The following TET3 variants were observed in gnomAD, a reference collection of about 807,000 sequenced individuals.
TET3 encodes methylcytosine dioxygenase TET3.
TET3 carries 19 observed loss-of-function variants against 141.4 expected under a neutral mutation model. The observed-to-expected ratio is 0.13, with a 90% CI of 0.09 to 0.20. The LOEUF (loss-of-function observed/expected upper bound fraction) is 0.20. Among genes scored for constraint, TET3 ranks in the 10% least tolerant of loss-of-function variants. The probability of loss-of-function intolerance (pLI) is 1.00; values close to 1 mark genes in which losing one functional copy is unlikely to be tolerated. For synonymous variants in TET3, 1,043 were observed against 980.9 expected (o/e 1.06, Z -1.18); for missense variants, 1,874 against 2,356.9 (o/e 0.80, Z 4.24).
At chr2:74,017,978 T>A (rs946169636) in intron 3 of TET3, among the ~76,000 whole-genome samples, 54 of 149,252 alleles carry the variant, frequency 3.6e-4, no homozygotes, top group African/African-American at 1.2e-3. Context: ...TTTTTTTTTT[T>A]TTTTTTGAGA....
At chr2:74,115,129 T>G in the TET3 span, among the ~76,000 whole-genome samples, 1 of 152,120 alleles carries the variant, frequency 6.6e-6, no homozygotes, top group South Asian at 2.1e-4. Flanking sequence ...TAAAAGCTTC[T>G]GCACAGTAAA....
intron 2 of TET3, among the ~76,000 whole-genome samples, chr2:73,987,244 G>T (rs1289959542): frequency 6.6e-6 from 1 of 152,204 alleles, no homozygotes; most frequent in Non-Finnish European, 1.5e-5. Context: ...CCCTATCTTA[G>T]TTCTTCTTGC....
chr2:74,128,970 T>A, the TET3 span, among the ~76,000 whole-genome samples: 1 of 123,768 alleles, frequency 8.1e-6, no homozygotes, highest in Non-Finnish European at 1.6e-5. Flanking sequence ...TCAGACTGGT[T>A]GACAGAGATC....
intron 2 of TET3, among the ~76,000 whole-genome samples, chr2:74,002,235 T>G (rs1165054296): frequency 1.3e-5 from 2 of 152,218 alleles, no homozygotes; most frequent in Non-Finnish European, 2.9e-5. Context: ...AGGTTCGTGC[T>G]GCCTGGGCTT....
At position 74,087,837 on chromosome 2, in the gene TET3, G is replaced by A. The variant is rs1690248170; in HGVS notation, c.2687G>A (p.Arg896His). 6.5e-7 allele frequency: 1 copy of A among 1,549,128 alleles called. No individual in the cohort carries two copies. Among genetic ancestry groups the A allele is most frequent in the Non-Finnish European group, 8.7e-7 (1 of 1,145,216 alleles). ...RGCPIAKWVI[R>H]RHTLEEKLLC... ...CACCCTGCGTCCCTGCAGGTGATCCGCAGGCACACGCTGGAGGAGAAGCTA... is the reference window on the plus strand; with the variant it reads ...CACCCTGCGTCCCTGCAGGTGATCCACAGGCACACGCTGGAGGAGAAGCTA... Residue 896 changes from arginine (R) to histidine (H), a missense_variant, in exon 7 of 12, where the codon CGC becomes CAC. By Grantham distance (29) the Arg-to-His change is conservative. Around this residue, in one of 10 missense-constraint regions of TET3, gnomAD observed 126 missense variants for 327.4 expected, o/e 0.38. Transcript: ENST00000409262. The surrounding 1 kb of genome is among the most constrained non-coding windows in gnomAD (Gnocchi z 4.3).
chr2:74,059,122 A>G (rs1688364004), intron 4 of TET3, among the ~76,000 whole-genome samples: 1 of 152,188 alleles, frequency 6.6e-6, no homozygotes, highest in Non-Finnish European at 1.5e-5. Context: ...CACACTGATC[A>G]GTTTTGCCTG....
intron 2 of TET3, among the ~76,000 whole-genome samples, chr2:73,996,705 G>A (rs1377729609): frequency 6.6e-6 from 1 of 152,002 alleles, no homozygotes; most frequent in Non-Finnish European, 1.5e-5. Context: ...ACAGGGTTTC[G>A]CCATGTTGGC....
At chr2:74,125,285 C>T in the TET3 span, among the ~76,000 whole-genome samples, 1 of 150,100 alleles carries the variant, frequency 6.7e-6, no homozygotes, top group Admixed American at 6.7e-5. Context: ...CCTGGCCTCA[C>T]TTGGATTATT....
chr2:74,115,997 ACT>A, the TET3 span, among the ~76,000 whole-genome samples: 1 of 145,438 alleles, frequency 6.9e-6, no homozygotes, highest in African/African-American at 2.6e-5. Flanking sequence ...CCTGGGCGAC[ACT>A]GAGATCTGGT....
intron 2 of TET3, among the ~76,000 whole-genome samples, chr2:73,987,499 A>G (rs1238058216): frequency 6.6e-6 from 1 of 152,160 alleles, no homozygotes; most frequent in Non-Finnish European, 1.5e-5. Context: ...CCCTCCCATT[A>G]TAGTGGCGGA....
chr2:74,049,967 C>T (rs1157368011), intron 4 of TET3, among the ~76,000 whole-genome samples: 6 of 152,024 alleles, frequency 3.9e-5, no homozygotes, highest in Non-Finnish European at 8.8e-5. Flanking sequence ...TCTTATTTAC[C>T]AGCATATGGG....
chr2:74,093,343 C>T lies in TET3; in HGVS notation c.3130-186C>T, dbSNP rs544002188. Among the ~76,000 whole-genome samples the T allele has an allele frequency of 1.3e-5, 2 of 152,284 alleles. No homozygotes were observed. The highest frequency in any genetic ancestry group is 2.4e-5 in the African/African-American group (1 of 41,566). On this transcript the variant is annotated intron_variant, in intron 9 of 11. Coordinates refer to ENST00000409262, the MANE Select transcript of TET3 (RefSeq NM_001287491.2). This position sits in a 1 kb window ranked among gnomAD's most constrained non-coding sequence, Gnocchi z 4.2. ...ATAACCCAGAAGGAAGTAATTCCTA[C>T]AGGAGACTGAAAGTAACTTTTTTGT...
At chr2:74,041,365 C>A (rs1687327968) in intron 3 of TET3, among the ~76,000 whole-genome samples, 1 of 152,090 alleles carries the variant, frequency 6.6e-6, no homozygotes, top group Admixed American at 6.5e-5. Flanking sequence ...TGGTTTTGAA[C>A]CCTCATGCTC....
At chr2:74,075,352 C>T (rs958396724) in intron 5 of TET3, among the ~76,000 whole-genome samples, 3 of 101,246 alleles carry the variant, frequency 3.0e-5, no homozygotes, top group South Asian at 3.2e-4. Context: ...TTTTTTGAGA[C>T]GGAATCTGCT....
chr2:74,016,723 AAAAC>A (rs534648191), intron 3 of TET3, among the ~76,000 whole-genome samples: 6 of 143,916 alleles, frequency 4.2e-5, no homozygotes, highest in East Asian at 1.9e-4. Context: ...CTCTGTCTCA[AAAAC>A]AAACAAACAA....
At chr2:74,067,412 A>AC (rs1688966981) in intron 4 of TET3, among the ~76,000 whole-genome samples, 2 of 152,342 alleles carry the variant, frequency 1.3e-5, no homozygotes, top group Admixed American at 1.3e-4. Context: ...AGCTTATGTT[A>AC]TGTGCCAAAT....
chr2:74,054,738 A>G (rs767494520), intron 4 of TET3, among the ~76,000 whole-genome samples: 2 of 152,230 alleles, frequency 1.3e-5, no homozygotes, highest in Non-Finnish European at 2.9e-5. Flanking sequence ...GAACCAATGG[A>G]TAGTTTCAAG....
chr2:74,063,010 A>G (rs900630483), intron 4 of TET3, among the ~76,000 whole-genome samples: 2 of 150,156 alleles, frequency 1.3e-5, no homozygotes, highest in African/African-American at 2.5e-5. Flanking sequence ...CAGACTCCCG[A>G]GTAGCTGGGG....
At position 74,041,124 on chromosome 2, in the gene TET3, T is replaced by G. The variant is rs1687315261; in HGVS notation, c.361-5154T>G. On this transcript the variant is annotated intron_variant, in intron 3 of 11. Transcript: ENST00000409262. ...TCCATTGATAAGAACTTGTTTCCTC[T>G]GGTTGTTAGGGGGACTGGTTTCAGT... 2.0e-5 allele frequency among the ~76,000 whole-genome samples: 3 copies of G among 152,186 alleles called. No homozygotes were observed. In the South Asian group the frequency reaches 6.2e-4, roughly 32 times the overall value.
Sources: allele counts gnomAD v4.1 joint callset (sites outside exome capture counted in the v4.1 genomes callset), GRCh38; gene constraint gnomAD v4.1.1; regional missense constraint gnomAD v4.1.1; non-coding constraint Gnocchi (gnomAD v3.1); transcripts MANE v1.5; gene names NCBI Gene and HGNC (gene_info 2026-07-23, HGNC 2026-07-21).